RBM47: variants seen among roughly 807,000 people sequenced by gnomAD.
RBM47 encodes the protein RNA-binding protein 47.
In RBM47, 21 loss-of-function variants were observed where a neutral mutation model predicts 47.1. The ratio of observed to expected loss-of-function variants is 0.45; its 90% CI spans 0.32 to 0.64. The LOEUF (loss-of-function observed/expected upper bound fraction) is 0.64, where lower values mean the gene tolerates loss of function less well. RBM47 is among the 30% of genes least tolerant of loss of function. RBM47 has a pLI of 0.05. For synonymous variants in RBM47, 375 were observed against 361.7 expected (o/e 1.04, Z -0.42); for missense variants, 708 against 870.9 (o/e 0.81, Z 2.35).
intron 1 of RBM47, among the ~76,000 whole-genome samples, chr4:40,548,106 C>G (rs193274284): frequency 2.0e-5 from 3 of 152,310 alleles, no homozygotes; most frequent in African/African-American, 7.2e-5. Flanking sequence ...GACACCAGCT[C>G]TAATCCACAA....
intron 1 of RBM47, among the ~76,000 whole-genome samples, chr4:40,622,276 G>A (rs2154281661): frequency 6.6e-6 from 1 of 152,348 alleles, no homozygotes; most frequent in South Asian, 2.1e-4. Context: ...AGGAGGAATT[G>A]CTGTTTTAAC....
intron 1 of RBM47, among the ~76,000 whole-genome samples, chr4:40,596,164 C>T (rs983229511): frequency 6.6e-6 from 1 of 152,142 alleles, no homozygotes; most frequent in African/African-American, 2.4e-5. Context: ...TTCTTTCTGT[C>T]ACAGGACAAA....
rs1445157694 is a variant in RBM47, at chr4:40,437,086, A to ATAT, written c.1124-440_1124-439insATA. Among the ~76,000 whole-genome samples the ATAT allele has an allele frequency of 2.1e-4, 12 of 58,028 alleles. 1 individual carries two copies. The highest frequency in any genetic ancestry group is 1.2e-3 in the African/African-American group (12 of 10,020). 38.1% of individuals were successfully genotyped at this position (58,028 alleles called of 152,430 possible). Reference sequence around the variant, plus strand: ...GAGACCCTGTCTCAAAAAAAAAAAAAAAAAATATATATATATATATATATA... The same window carrying ATAT: ...GAGACCCTGTCTCAAAAAAAAAAAAATATAAAAATATATATATATATATATATA... On this transcript the variant is annotated intron_variant, in intron 4 of 6. Coordinates refer to ENST00000295971, the MANE Select transcript of RBM47 (RefSeq NM_001098634.2).
intron 2 of RBM47, among the ~76,000 whole-genome samples, chr4:40,495,008 T>A (rs552618192): frequency 6.6e-6 from 1 of 152,152 alleles, no homozygotes; most frequent in Non-Finnish European, 1.5e-5. Context: ...AGTCTCACTA[T>A]GTTGCCTAGG....
At chr4:40,598,441 T>C (rs1385174905) in intron 1 of RBM47, among the ~76,000 whole-genome samples, 2 of 151,972 alleles carry the variant, frequency 1.3e-5, no homozygotes, top group African/African-American at 4.8e-5. Flanking sequence ...AGAGAGAGGG[T>C]TTTGCCATGT....
chr4:40,446,164 A>G (rs933489844), intron 3 of RBM47, among the ~76,000 whole-genome samples: 7 of 152,242 alleles, frequency 4.6e-5, no homozygotes, highest in Admixed American at 4.6e-4. Flanking sequence ...CTGAATGTCT[A>G]TTATGTGACA....
chr4:40,621,596 A>G (rs62301930), intron 1 of RBM47, among the ~76,000 whole-genome samples: 10,883 of 152,292 alleles, frequency 0.071, 435 homozygotes, highest in South Asian at 0.11. Flanking sequence ...GTGAAAAGAG[A>G]TAGTTAAGAA....
upstream of RBM47, chr4:40,630,846 A>G (rs1347118367): frequency 2.0e-5 from 3 of 152,076 alleles, no homozygotes; most frequent in African/African-American, 7.2e-5. Flanking sequence ...GTAGGCGCGG[A>G]ATGGGCCAAC....
intron 3 of RBM47, among the ~76,000 whole-genome samples, chr4:40,448,189 C>T (rs1478673797): frequency 6.6e-6 from 1 of 151,994 alleles, no homozygotes; most frequent in African/African-American, 2.4e-5. Context: ...GAGTGAGACT[C>T]CATCTCAAAA....
At chr4:40,457,751 C>T (rs1047253461) in intron 3 of RBM47, among the ~76,000 whole-genome samples, 7 of 152,076 alleles carry the variant, frequency 4.6e-5, no homozygotes, top group Admixed American at 1.3e-4. Flanking sequence ...ATTTTTCATT[C>T]GTTAAACTTC....
At chr4:40,618,851 C>T (rs1283020755) in intron 1 of RBM47, among the ~76,000 whole-genome samples, 1 of 146,432 alleles carries the variant, frequency 6.8e-6, no homozygotes, top group Non-Finnish European at 1.5e-5. Context: ...CTTCCAGCAT[C>T]TCCTTGGGAT....
chr4:40,617,398 A>T (rs1433695268), intron 1 of RBM47, among the ~76,000 whole-genome samples: 1 of 151,850 alleles, frequency 6.6e-6, no homozygotes, highest in Non-Finnish European at 1.5e-5. Context: ...CTCTACTAAA[A>T]ATACAAAAAA....
chr4:40,562,937 C>G (rs1020075661), intron 1 of RBM47, among the ~76,000 whole-genome samples: 2 of 152,178 alleles, frequency 1.3e-5, no homozygotes, highest in African/African-American at 4.8e-5. Flanking sequence ...AAAAGCTGTA[C>G]CCCCAAAAGG....
intron 1 of RBM47, among the ~76,000 whole-genome samples, chr4:40,616,802 G>A (rs969822187): frequency 1.3e-4 from 20 of 151,250 alleles, no homozygotes; most frequent in Non-Finnish European, 2.2e-4. Context: ...AATATTTACA[G>A]CATGAATTTG....
At chr4:40,572,113 G>A (rs1367271506) in intron 1 of RBM47, among the ~76,000 whole-genome samples, 2 of 149,946 alleles carry the variant, frequency 1.3e-5, no homozygotes, top group African/African-American at 4.9e-5. Flanking sequence ...CCCACCAGGT[G>A]TGGCTCACCC....
At chr4:40,572,521 C>T (rs528427055) in intron 1 of RBM47, among the ~76,000 whole-genome samples, 1 of 151,892 alleles carries the variant, frequency 6.6e-6, no homozygotes, top group African/African-American at 2.4e-5. Flanking sequence ...ACTTGCATAG[C>T]ATTAAAAAAT....
intron 1 of RBM47, among the ~76,000 whole-genome samples, chr4:40,563,521 C>A (rs1254689713): frequency 6.6e-6 from 1 of 152,164 alleles, no homozygotes; most frequent in Non-Finnish European, 1.5e-5. Flanking sequence ...GCTAGTTGAT[C>A]TAGATAAGAA....
chr4:40,457,159 C>T (rs1457892632), intron 3 of RBM47, among the ~76,000 whole-genome samples: 3 of 151,238 alleles, frequency 2.0e-5, no homozygotes, highest in Non-Finnish European at 4.4e-5. Context: ...GTGGCTCACG[C>T]CTGTAATCCC....
intron 2 of RBM47, among the ~76,000 whole-genome samples, chr4:40,505,474 T>TA (rs75559123): frequency 0.019 from 2,030 of 105,952 alleles, 35 homozygotes; most frequent in East Asian, 0.082. Context: ...AGACTTCATC[T>TA]AAAAAAAAAA....
Sources: allele counts gnomAD v4.1 joint callset (sites outside exome capture counted in the v4.1 genomes callset), GRCh38; gene constraint gnomAD v4.1.1; transcripts MANE v1.5; gene names NCBI Gene and HGNC (gene_info 2026-07-23, HGNC 2026-07-21).